IST1: variants seen among roughly 807,000 people sequenced by gnomAD.
The protein encoded by IST1 is IST1 homolog.
IST1 carries 23 observed loss-of-function variants against 37.0 expected under a neutral mutation model. The observed-to-expected ratio is 0.62, with a 90% CI of 0.45 to 0.88. The LOEUF (loss-of-function observed/expected upper bound fraction) is 0.88, where lower values mean the gene tolerates loss of function less well. Among genes scored for constraint, IST1 ranks in the 40% least tolerant of loss-of-function variants. The probability of loss-of-function intolerance (pLI) is 0.00; values close to 1 mark genes in which losing one functional copy is unlikely to be tolerated. For missense variants in IST1, 488 were observed against 445.4 expected (o/e 1.10, Z -0.86); for synonymous variants, 180 against 161.7 (o/e 1.11, Z -0.86).
chr16:71,897,212 G>A (rs1467481987), intron 1 of IST1, among the ~76,000 whole-genome samples: 1 of 148,012 alleles, frequency 6.8e-6, no homozygotes, highest in Non-Finnish European at 1.5e-5. Flanking sequence ...CGGGAGGGGA[G>A]AGTTTCTTAA....
At chr16:71,922,936 T>C (rs988566941) in intron 7 of IST1, 8 of 545,260 alleles carry the variant, frequency 1.5e-5, no homozygotes, top group Non-Finnish European at 2.6e-5. Flanking sequence ...CTTTGGGATC[T>C]GTTATAGTCA....
In IST1 at chr16:71,927,881, A is replaced by T; in HGVS notation, c.*68A>T. The T allele has an allele frequency of 9.1e-7, 1 of 1,095,036 alleles. No individual in the cohort carries two copies. Among genetic ancestry groups the T allele is most frequent in the South Asian group, 1.3e-5 (1 of 78,106 alleles). 67.8% of individuals were successfully genotyped at this position (1,095,036 alleles called of 1,614,324 possible). A position where few individuals can be genotyped will look rare whatever the true frequency, so the allele number is the denominator to read the frequency against. On this transcript the variant is annotated 3_prime_UTR_variant, in exon 10 of 10. Transcript: ENST00000378799. ...TGAGCAATTTCTCCTTGTAACAAAGAATCTCCATGAAATTCTGTTTCATCT... is the reference window on the plus strand; with the variant it reads ...TGAGCAATTTCTCCTTGTAACAAAGTATCTCCATGAAATTCTGTTTCATCT...
chr16:71,912,625 C>T (rs2037383282), intron 1 of IST1, among the ~76,000 whole-genome samples: 2 of 152,172 alleles, frequency 1.3e-5, no homozygotes, highest in Non-Finnish European at 2.9e-5. Flanking sequence ...GAACACATGG[C>T]AACATGACAA....
In IST1 at chr16:71,930,415, A is replaced by C. The variant is rs949823901; in HGVS notation, c.*2602A>C. The C allele has an allele frequency of 5.1e-5, 18 of 356,034 alleles. No homozygotes were observed. In the East Asian group the frequency reaches 7.4e-4, roughly 15 times the overall value. 22.1% of individuals were successfully genotyped at this position (356,034 alleles called of 1,614,324 possible). On this transcript the variant is annotated 3_prime_UTR_variant, in exon 10 of 10. Transcript: ENST00000378799. ...TTGTGACTGCAGGGCTTTCACAAGAAAACAGGTGAGTTGCAGTGGAATTGG... is the reference window on the plus strand; with the variant it reads ...TTGTGACTGCAGGGCTTTCACAAGACAACAGGTGAGTTGCAGTGGAATTGG...
At position 71,927,688 on chromosome 16, in the gene IST1, C is replaced by G. The variant is rs1051899085; in HGVS notation, c.976C>G (p.Pro326Ala). Residue 326 changes from proline (P) to alanine (A), a missense_variant, in exon 10 of 10, where the codon CCA becomes GCA. Coordinates refer to ENST00000378799, the MANE Select transcript of IST1 (RefSeq NM_001270975.2). ...PADNYDNFVL[P>A]ELPSVPDTLP... ...AGATAACTATGACAACTTTGTCCTA[C>G]CAGAGTTGCCATCTGTGCCAGACAC... The G allele has an allele frequency of 6.2e-7, 1 of 1,613,638 alleles. No homozygotes were observed.
Position 71,930,315 on chromosome 16 carries a change from A to G in IST1, c.*2502A>G. On this transcript the variant is annotated 3_prime_UTR_variant, in exon 10 of 10. Transcript: ENST00000378799. ...CGAAGGAAACTTAGGGAGAGAGTCAAAAGATAATAAGAAGGAAAATACTTT... is the reference window on the plus strand; with the variant it reads ...CGAAGGAAACTTAGGGAGAGAGTCAGAAGATAATAAGAAGGAAAATACTTT... 1 of 890,796 alleles carries G rather than the reference A, an allele frequency of 1.1e-6. No homozygotes were observed. 55.2% of individuals were successfully genotyped at this position (890,796 alleles called of 1,614,324 possible). A position where few individuals can be genotyped will look rare whatever the true frequency, so the allele number is the denominator to read the frequency against.
At chr16:71,912,837 G>C (rs1244517341) in intron 1 of IST1, among the ~76,000 whole-genome samples, 3 of 152,184 alleles carry the variant, frequency 2.0e-5, no homozygotes, top group Admixed American at 2.0e-4. Flanking sequence ...CACAAAAGCA[G>C]AATCTTACAG....
At chr16:71,896,569 A>G (rs145417308) in intron 1 of IST1, among the ~76,000 whole-genome samples, 51 of 152,110 alleles carry the variant, frequency 3.4e-4, no homozygotes, top group African/African-American at 1.2e-3. Context: ...ATATGTATAT[A>G]TTTCCCTCTC....
Position 71,927,992 on chromosome 16 carries a change from T to C in IST1, c.*179T>C, listed in dbSNP as rs1224376583. On this transcript the variant is annotated 3_prime_UTR_variant, in exon 10 of 10. Coordinates refer to ENST00000378799, the MANE Select transcript of IST1 (RefSeq NM_001270975.2). ...CTGCTTTCCAGTTCTCTGTTGATCC[T>C]GAGACTAACAATTGGAGACTGAGGC... The C allele has an allele frequency of 3.4e-6, 2 of 587,870 alleles. No individual in the cohort carries two copies. Among genetic ancestry groups the C allele is most frequent in the Non-Finnish European group, 6.1e-6 (2 of 330,194 alleles). The allele number at this position is 587,870 out of a possible 1,614,324, so 36.4% of individuals were successfully genotyped here. A position where few individuals can be genotyped will look rare whatever the true frequency, so the allele number is the denominator to read the frequency against.
chr16:71,919,888 A>G (rs2037541620), intron 4 of IST1, among the ~76,000 whole-genome samples: 1 of 152,226 alleles, frequency 6.6e-6, no homozygotes, highest in Non-Finnish European at 1.5e-5. Flanking sequence ...CCAGTGCCAC[A>G]GAGAAATAGC....
rs886186928 is a variant in IST1, at chr16:71,916,757, A to G, written c.269+115A>G. 15 of 847,878 alleles carry G rather than the reference A, an allele frequency of 1.8e-5. No homozygotes were observed. The African/African-American group carries it at 1.9e-4, about 11-fold the overall frequency. The allele number at this position is 847,878 out of a possible 1,614,324, so 52.5% of individuals were successfully genotyped here. On this transcript the variant is annotated intron_variant, in intron 3 of 9. Transcript: ENST00000378799. ...CATGCCCAAGGATCTGCTGCCTAAC[A>G]GTTGCTGAAAGGCCTGTTAAAAAGA...
intron 1 of IST1, chr16:71,903,202 A>C (rs1291740708): frequency 1.3e-5 from 2 of 152,094 alleles, no homozygotes; most frequent in African/African-American, 2.4e-5. Flanking sequence ...GCTGGTCTCA[A>C]ACTCCTGGCC....
chr16:71,918,949 G>A (rs1322389399), intron 4 of IST1, among the ~76,000 whole-genome samples: 1 of 152,166 alleles, frequency 6.6e-6, no homozygotes, highest in Non-Finnish European at 1.5e-5. Flanking sequence ...CTGGGCTTCT[G>A]GAATGTTGGG....
intron 9 of IST1, 39 bp downstream of exon 9, chr16:71,924,856 T>C: frequency 1.5e-6 from 2 of 1,372,728 alleles, no homozygotes; most frequent in Non-Finnish European, 2.1e-6. Flanking sequence ...AGCTCAGTGC[T>C]GAACCCTCTG....
rs753329768 is a variant in IST1 at position 71,922,583 on chromosome 16, T to G, written c.662T>G (p.Val221Gly). ...GGGAGTGGTGGCTTCACAGCACCAG[T>G]TGGTGGACCTGATGGAACGGTGCCA... ...RGGSGGFTAP[V>G]GGPDGTVPMP... Residue 221 changes from valine (V) to glycine (G), a missense_variant, in exon 7 of 10, where the codon GTT (valine) becomes GGT (glycine). This residue lies in a region of IST1 where 455 missense variants were observed against 386.2 expected (regional missense o/e 1.18). Coordinates refer to ENST00000378799, the MANE Select transcript of IST1 (RefSeq NM_001270975.2). 7 of 1,613,574 alleles carry G rather than the reference T, an allele frequency of 4.3e-6. No homozygotes were observed. Among genetic ancestry groups the G allele is most frequent in the Middle Eastern group, 1.6e-4 (1 of 6,084 alleles).
At chr16:71,915,019 C>T (rs534281996) in intron 1 of IST1, among the ~76,000 whole-genome samples, 41 of 152,214 alleles carry the variant, frequency 2.7e-4, no homozygotes, top group African/African-American at 9.6e-4. Flanking sequence ...GCAGTGTTTT[C>T]CTTGGACTTT....
At chr16:71,920,614 G>C (rs1023555550) in intron 4 of IST1, 125 bp from the exon 5 acceptor site, 1 of 650,806 alleles carries the variant, frequency 1.5e-6, no homozygotes, top group Non-Finnish European at 2.8e-6. Context: ...TACCCCTTAA[G>C]GTTTTGCAGA....
rs1432017799 is a variant in IST1 at position 71,931,102 on chromosome 16, T to A, written c.*3289T>A. The A allele has an allele frequency of 6.6e-5, 10 of 152,238 alleles. No homozygotes were observed. Among genetic ancestry groups the A allele is most frequent in the Non-Finnish European group, 1.2e-4 (8 of 68,038 alleles). 9.4% of individuals were successfully genotyped at this position (152,238 alleles called of 1,614,324 possible). ...TTTTTTGTTTGCTCTATTTGTTTTT[T>A]AATGTTTTTTACTTTATGTTTACTG... On this transcript the variant is annotated 3_prime_UTR_variant, in exon 10 of 10. Transcript: ENST00000378799.
chr16:71,911,286 AT>A (rs1483252830), intron 1 of IST1, among the ~76,000 whole-genome samples: 10 of 151,864 alleles, frequency 6.6e-5, no homozygotes, highest in Non-Finnish European at 1.5e-5. Context: ...CCTCCCTTTC[AT>A]TTGTTCGGCA....
Sources: gnomAD v4.1 joint callset for allele counts (sites outside exome capture counted in the v4.1 genomes callset) on GRCh38, gnomAD v4.1.1 for gene constraint, gnomAD v4.1.1 regional missense constraint, MANE v1.5 for transcripts, NCBI Gene and HGNC (gene_info 2026-07-23, HGNC 2026-07-21) for gene names.